LRRC7: variants seen among roughly 807,000 people sequenced by gnomAD.
LRRC7 encodes the protein leucine-rich repeat-containing protein 7.
Under a neutral mutation model 175.7 loss-of-function variants are expected in LRRC7, and 23 were observed. The ratio of observed to expected loss-of-function variants is 0.13; its 90% CI spans 0.09 to 0.19. LRRC7 has a LOEUF of 0.19. LRRC7 is among the 10% of genes least tolerant of loss of function. The pLI is 1.00. For synonymous variants in LRRC7, 685 were observed against 680.9 expected (o/e 1.01, Z -0.09); for missense variants, 1,354 against 1,904.7 (o/e 0.71, Z 5.38).
intron 1 of LRRC7, among the ~76,000 whole-genome samples, chr1:69,600,322 C>G (rs554945441): frequency 6.6e-6 from 1 of 152,226 alleles, no homozygotes; most frequent in East Asian, 1.9e-4. Flanking sequence ...CCAGGATATC[C>G]GGGATACCAC....
intron 8 of LRRC7, among the ~76,000 whole-genome samples, chr1:69,960,519 G>T (rs1263504824): frequency 6.6e-6 from 1 of 151,434 alleles, no homozygotes; most frequent in African/African-American, 2.4e-5. Context: ...TCTTCTGCTA[G>T]CTTTGGGATT....
At chr1:69,972,288 T>C (rs1188581129) in intron 8 of LRRC7, among the ~76,000 whole-genome samples, 2 of 152,114 alleles carry the variant, frequency 1.3e-5, no homozygotes, top group Non-Finnish European at 2.9e-5. Flanking sequence ...TTAATTAAAC[T>C]AAAGAGCTTT....
intron 8 of LRRC7, among the ~76,000 whole-genome samples, chr1:69,937,356 A>G (rs1246239512): frequency 6.6e-6 from 1 of 152,114 alleles, no homozygotes; most frequent in African/African-American, 2.4e-5. Flanking sequence ...CTAGATTACT[A>G]AGAAAATTTA....
At chr1:69,795,912 G>GTTTTTTTTTTTTTTTTTT (rs781358321) in intron 4 of LRRC7, among the ~76,000 whole-genome samples, 1 of 149,434 alleles carries the variant, frequency 6.7e-6, no homozygotes, top group African/African-American at 2.5e-5. Flanking sequence ...TTTTTTTTGG[G>GTTTTTTTTTTTTTTTTTT]TTTTTTTTTG....
intron 4 of LRRC7, among the ~76,000 whole-genome samples, chr1:69,821,653 G>A (rs1005097660): frequency 4.6e-5 from 7 of 152,022 alleles, no homozygotes; most frequent in East Asian, 1.9e-4. Context: ...CAGCACTTTC[G>A]GAGGTTGAGG....
chr1:69,969,305 G>A (rs1315376823), intron 8 of LRRC7, among the ~76,000 whole-genome samples: 2 of 152,128 alleles, frequency 1.3e-5, no homozygotes, highest in Admixed American at 6.5e-5. Context: ...AATGCAAATG[G>A]TCTAAATGCT....
rs141518537 is a variant in LRRC7, at chr1:69,905,228, A to G, written c.648-26279A>G. Among the ~76,000 whole-genome samples the G allele has an allele frequency of 8.1e-3, 1,228 of 150,834 alleles. 14 individuals are homozygous for G. The highest frequency in any genetic ancestry group is 0.027 in the African/African-American group (1,125 of 41,506). ...TCCAATAATGGGATTGCTGGATCAA[A>G]TGGTAATTCTGTTGTAAGTTCTTTT... On this transcript the variant is annotated intron_variant, in intron 7 of 26. Transcript: ENST00000651989.
intron 7 of LRRC7, among the ~76,000 whole-genome samples, chr1:69,855,033 T>C (rs1683432766): frequency 6.6e-6 from 1 of 152,188 alleles, no homozygotes; most frequent in Non-Finnish European, 1.5e-5. Context: ...TTATATGTAA[T>C]ATGATATATG....
At chr1:69,719,722 A>G (rs894932180) in intron 2 of LRRC7, among the ~76,000 whole-genome samples, 3 of 151,680 alleles carry the variant, frequency 2.0e-5, no homozygotes, top group Admixed American at 1.3e-4. Flanking sequence ...GGTGATATAA[A>G]TAATTCATGT....
rs916114002 is a variant in LRRC7 at position 70,131,844 on chromosome 1, G to T, written c.*9957G>T. Among the ~76,000 whole-genome samples the T allele has an allele frequency of 2.0e-5, 3 of 152,170 alleles. No individual in the cohort carries two copies. Among genetic ancestry groups the T allele is most frequent in the Admixed American group, 2.0e-4 (3 of 15,274 alleles). On this transcript the variant is annotated 3_prime_UTR_variant, in exon 27 of 27. Transcript: ENST00000651989. ...AATAAATGAAAAATGAACTGGAAAA[G>T]TGAAATATTAATTGAGAGAGTGACA...
intron 1 of LRRC7, among the ~76,000 whole-genome samples, chr1:69,677,671 G>A (rs1030521512): frequency 6.6e-6 from 1 of 151,972 alleles, no homozygotes; most frequent in African/African-American, 2.4e-5. Flanking sequence ...TGAAAGATAT[G>A]CTTTTTCTTT....
chr1:69,908,038 T>A (rs1646382133), intron 7 of LRRC7, among the ~76,000 whole-genome samples: 1 of 152,232 alleles, frequency 6.6e-6, no homozygotes, highest in Non-Finnish European at 1.5e-5. Flanking sequence ...GATTTTCTAG[T>A]TTATTTGCAT....
At chr1:69,885,583 A>AT (rs1316530797) in intron 7 of LRRC7, among the ~76,000 whole-genome samples, 6 of 101,516 alleles carry the variant, frequency 5.9e-5, no homozygotes, top group Non-Finnish European at 8.5e-5. Flanking sequence ...GGATTCATTA[A>AT]TTTTTTGAAG....
chr1:69,712,898 C>T (rs764338737), intron 2 of LRRC7, among the ~76,000 whole-genome samples: 1 of 152,116 alleles, frequency 6.6e-6, no homozygotes, highest in African/African-American at 2.4e-5. Flanking sequence ...CAAGTCTATG[C>T]ATACTTTAAA....
chr1:69,587,132 T>C (rs1043906393), intron 1 of LRRC7, among the ~76,000 whole-genome samples: 3 of 152,198 alleles, frequency 2.0e-5, no homozygotes, highest in African/African-American at 7.2e-5. Context: ...TTTTTCTGAT[T>C]GATAGGAAAT....
chr1:69,866,039 C>T (rs1335705041), intron 7 of LRRC7, among the ~76,000 whole-genome samples: 1 of 152,164 alleles, frequency 6.6e-6, no homozygotes, highest in East Asian at 1.9e-4. Flanking sequence ...ATGAAACATT[C>T]TCAAATGGCA....
intron 4 of LRRC7, among the ~76,000 whole-genome samples, chr1:69,811,316 TTGG>T (rs1677831884): frequency 3.3e-5 from 5 of 152,164 alleles, no homozygotes; most frequent in Admixed American, 3.3e-4. Context: ...TCTTACACTG[TTGG>T]TGGGAGTGTA....
intron 3 of LRRC7, among the ~76,000 whole-genome samples, chr1:69,779,885 A>G (rs1569777894): frequency 6.6e-6 from 1 of 152,120 alleles, no homozygotes; most frequent in East Asian, 1.9e-4. Flanking sequence ...GTCCAGTACT[A>G]TACCTGTCCC....
intron 4 of LRRC7, among the ~76,000 whole-genome samples, chr1:69,808,992 T>C (rs1304795457): frequency 6.6e-6 from 1 of 152,092 alleles, no homozygotes; most frequent in East Asian, 1.9e-4. Context: ...ATCCAGGAGC[T>C]GGTTTTTTGA....
Sources: allele counts gnomAD v4.1 joint callset (sites outside exome capture counted in the v4.1 genomes callset), GRCh38; gene constraint gnomAD v4.1.1; transcripts MANE v1.5; gene names NCBI Gene and HGNC (gene_info 2026-07-23, HGNC 2026-07-21).